Variants in SYNJ2 observed in about 807,000 individuals in gnomAD.
The protein encoded by SYNJ2 is polyphosphatidylinositol phosphatase SYNJ2.
In SYNJ2, 116 loss-of-function variants were observed where a neutral mutation model predicts 141.3. That is an observed-to-expected ratio of 0.82 (90% CI 0.71 to 0.96). The LOEUF (loss-of-function observed/expected upper bound fraction) is 0.96. Among genes scored for constraint, SYNJ2 ranks in the 40% least tolerant of loss-of-function variants. SYNJ2 has a pLI of 0.00. For missense variants in SYNJ2, 1,873 were observed against 1,934.8 expected (o/e 0.97, Z 0.60); for synonymous variants, 745 against 777.7 (o/e 0.96, Z 0.70).
At chr6:158,065,773 G>C (rs1264569756) in intron 11 of SYNJ2, among the ~76,000 whole-genome samples, 1 of 152,242 alleles carries the variant, frequency 6.6e-6, no homozygotes, top group Non-Finnish European at 1.5e-5. Context: ...AACAGTGCCA[G>C]CTCTGTAAAA....
chr6:158,085,955 C>A (rs1490513233), intron 22 of SYNJ2, among the ~76,000 whole-genome samples: 2 of 144,262 alleles, frequency 1.4e-5, no homozygotes, highest in Non-Finnish European at 3.1e-5. Flanking sequence ...GGGTGGCCGT[C>A]ATGCAGGCAG....
chr6:158,019,540 G>T (rs773190269), intron 2 of SYNJ2, among the ~76,000 whole-genome samples: 1 of 152,202 alleles, frequency 6.6e-6, no homozygotes, highest in Non-Finnish European at 1.5e-5. Flanking sequence ...GTCTAATGGG[G>T]CAGGGAGTGC....
At chr6:158,065,143 C>T in intron 11 of SYNJ2, 152 bp downstream of exon 11, 1 of 1,048,686 alleles carries the variant, frequency 9.5e-7, no homozygotes, top group Non-Finnish European at 1.3e-6. Flanking sequence ...ACTGCCTCTC[C>T]CGGGAGCCTG....
intron 1 of SYNJ2, among the ~76,000 whole-genome samples, chr6:158,014,924 A>G (rs1425070937): frequency 6.6e-6 from 1 of 152,176 alleles, no homozygotes; most frequent in Non-Finnish European, 1.5e-5. Context: ...TTCCAATCCC[A>G]GTTGGGACTT....
rs947880768 is a variant in SYNJ2 at position 158,086,937 on chromosome 6, G to A, written c.3291G>A (p.Ser1097=). The A allele has an allele frequency of 1.2e-5, 20 of 1,606,312 alleles. No homozygotes were observed. Among genetic ancestry groups the A allele is most frequent in the Non-Finnish European group, 1.5e-5 (18 of 1,178,764 alleles). The change falls in exon 23 of 27, where the codon TCG becomes TCA. Residue 1097 remains serine, a synonymous_variant. Coordinates refer to ENST00000355585, the MANE Select transcript of SYNJ2 (RefSeq NM_003898.4). ...FRHRSPSRSL[S]VPNRPRPPQP... The stretch of plus-strand genomic sequence containing the variant: ...ACCGTTCTCCGAGCAGGTCTCTGTC[G>A]GTCCCCAACCGGCCTCGGCCACCTC...
intron 1 of SYNJ2, among the ~76,000 whole-genome samples, chr6:157,993,991 T>A (rs1016597964): frequency 1.1e-4 from 16 of 151,326 alleles, no homozygotes; most frequent in African/African-American, 3.9e-4. Context: ...ATTTTTTGTA[T>A]TTTTTAGTAG....
chr6:157,995,418 C>T (rs938786099), intron 1 of SYNJ2, among the ~76,000 whole-genome samples: 2 of 152,196 alleles, frequency 1.3e-5, no homozygotes, highest in Non-Finnish European at 2.9e-5. Flanking sequence ...AGTTCCATCA[C>T]ATCCACTCTG....
chr6:158,093,450 CAAAA>C (rs397886739), intron 26 of SYNJ2, among the ~76,000 whole-genome samples: 1 of 88,040 alleles, frequency 1.1e-5, no homozygotes, highest in African/African-American at 4.7e-5. Context: ...AAAAAAAAAA[CAAAA>C]AAAAAAAAAC....
Position 158,096,583 on chromosome 6 carries a change from C to A in SYNJ2, c.*219C>A. 2.2e-6 allele frequency: 1 copy of A among 462,998 alleles called. No individual in the cohort carries two copies. The highest frequency in any genetic ancestry group is 3.7e-6 in the Non-Finnish European group (1 of 269,354). The allele number at this position is 462,998 out of a possible 1,614,324, so 28.7% of individuals were successfully genotyped here. A position where few individuals can be genotyped will look rare whatever the true frequency, so the allele number is the denominator to read the frequency against. On this transcript the variant is annotated 3_prime_UTR_variant, in exon 27 of 27. Transcript: ENST00000355585. ...TCAAGGCTTGTACATCTGAAGTTTG[C>A]TCTTCAAGGAATGGGAACCTTCCTG...
In SYNJ2 at chr6:158,096,156, C is replaced by G; in HGVS notation, c.4283C>G (p.Thr1428Ser). 1 of 1,614,268 alleles carries G rather than the reference C, an allele frequency of 6.2e-7. No individual in the cohort carries two copies. The highest frequency in any genetic ancestry group is 1.1e-5 in the South Asian group (1 of 91,088). The change falls in exon 27 of 27, where the codon ACT (threonine) becomes AGT (serine). Residue 1428 changes from threonine (T) to serine (S), a missense_variant. Coordinates refer to ENST00000355585, the MANE Select transcript of SYNJ2 (RefSeq NM_003898.4). ...LLHHPKLLNN[T>S]WLSKSSDPLD... ...CACCACCCTAAACTGTTGAATAACA[C>G]TTGGCTTTCTAAGAGCTCAGACCCT...
At chr6:158,082,487 CAAAAAAAA>C (rs769884420) in intron 20 of SYNJ2, among the ~76,000 whole-genome samples, 2 of 75,314 alleles carry the variant, frequency 2.7e-5, no homozygotes, top group African/African-American at 1.2e-4. Context: ...ACTCTGTCTC[CAAAAAAAA>C]AAAAAAAAAA....
At chr6:158,072,077 T>G (rs1000234179) in intron 15 of SYNJ2, among the ~76,000 whole-genome samples, 1 of 152,204 alleles carries the variant, frequency 6.6e-6, no homozygotes, top group Admixed American at 6.5e-5. Context: ...TTTTCTGATT[T>G]TCTAATTCAA....
At chr6:158,008,474 C>A (rs985979147) in intron 1 of SYNJ2, among the ~76,000 whole-genome samples, 1 of 152,232 alleles carries the variant, frequency 6.6e-6, no homozygotes, top group African/African-American at 2.4e-5. Flanking sequence ...TTCACAAGGC[C>A]TGGGGTGGGC....
At chr6:157,997,027 A>ACCCCCCCCCCCC (rs1312763731) in intron 1 of SYNJ2, among the ~76,000 whole-genome samples, 1 of 116,074 alleles carries the variant, frequency 8.6e-6, no homozygotes, top group Non-Finnish European at 1.8e-5. Flanking sequence ...CACCTACCCC[A>ACCCCCCCCCCCC]CCCCCCCCCA....
chr6:158,088,740 G>T lies in SYNJ2; in HGVS notation c.3424G>T (p.Ala1142Ser). ...TGGACAGTATTCAATTTTGCAGACG[G>T]CAAGACTTCTACCAGGAGCACCTCA... is the stretch of plus-strand genomic sequence containing the variant. ...THGQYSILQT[A>S]RLLPGAPQQP... The change falls in exon 24 of 27, where the codon GCA (alanine) becomes TCA (serine). Residue 1142 changes from alanine (A) to serine (S), a missense_variant. Coordinates refer to ENST00000355585, the MANE Select transcript of SYNJ2 (RefSeq NM_003898.4). The T allele has an allele frequency of 1.2e-6, 2 of 1,613,988 alleles. No homozygotes were observed. Among genetic ancestry groups the T allele is most frequent in the Non-Finnish European group, 1.7e-6 (2 of 1,179,948 alleles).
At chr6:158,017,427 T>TTTTTTC in intron 2 of SYNJ2, 137 bp downstream of exon 2, 1 of 1,054,314 alleles carries the variant, frequency 9.5e-7, no homozygotes, top group Non-Finnish European at 1.3e-6. Context: ...TTTTTTTTTT[T>TTTTTTC]CTCCGAGATA....
intron 22 of SYNJ2, among the ~76,000 whole-genome samples, chr6:158,085,566 A>G (rs757434738): frequency 5.9e-5 from 9 of 152,100 alleles, no homozygotes; most frequent in Admixed American, 1.3e-4. Context: ...GGATTAAGGT[A>G]CCTCTCAGGG....
At chr6:158,038,100 A>G (rs1779736872) in intron 4 of SYNJ2, among the ~76,000 whole-genome samples, 1 of 152,218 alleles carries the variant, frequency 6.6e-6, no homozygotes, top group African/African-American at 2.4e-5. Context: ...CCATAGAGAT[A>G]TGAACAGCCT....
intron 26 of SYNJ2, chr6:158,093,848 A>G (rs754247861): frequency 1.3e-6 from 1 of 762,246 alleles, no homozygotes; most frequent in Non-Finnish European, 2.4e-6. Context: ...GCCTCAGCCT[A>G]CGAGAGGTTC....
Sources: allele counts gnomAD v4.1 joint callset (sites outside exome capture counted in the v4.1 genomes callset), GRCh38; gene constraint gnomAD v4.1.1; transcripts MANE v1.5; gene names NCBI Gene and HGNC (gene_info 2026-07-23, HGNC 2026-07-21).